The following RAPGEF1 variants were observed in gnomAD, a reference collection of about 807,000 sequenced individuals.
RAPGEF1 encodes CRK SH3-binding GNRP.
In RAPGEF1, 33 loss-of-function variants were observed where a neutral mutation model predicts 143.3. The observed-to-expected ratio is 0.23, with a 90% confidence interval of 0.17 to 0.31. The LOEUF is 0.31. Among genes scored for constraint, RAPGEF1 ranks in the 10% least tolerant of loss-of-function variants. The probability of loss-of-function intolerance (pLI) is 1.00; values close to 1 mark genes in which losing one functional copy is unlikely to be tolerated. For missense variants in RAPGEF1, 1,199 were observed against 1,645.4 expected, an observed-to-expected ratio of 0.73 and a Z score of 4.69; for synonymous variants, 629 against 676.5, an observed-to-expected ratio of 0.93 and a Z score of 1.09.
intron 1 of RAPGEF1, among the ~76,000 whole-genome samples, chr9:131,683,225 G>T (rs1833064364): frequency 6.6e-6 from 1 of 152,216 alleles, no homozygotes; most frequent in South Asian, 2.1e-4. Flanking sequence ...GGTGGCCATT[G>T]TTAAGCCTCC....
rs1361899970 is a variant in RAPGEF1 at position 131,621,096 on chromosome 9, G to A, written c.1905+700C>T. On this transcript the variant is annotated intron_variant, in intron 11 of 26. Transcript: ENST00000683357. The surrounding 1 kb of genome is among the most constrained non-coding windows in gnomAD (Gnocchi z 4.5). ...GCAGCAAAGGGAGAAAGTTTGGAGG[G>A]ATGCCACAGGTACCCCCGATCTGCT... Among the ~76,000 whole-genome samples the A allele has an allele frequency of 6.6e-6, 1 of 152,240 alleles. No individual in the cohort carries two copies. Among genetic ancestry groups the A allele is most frequent in the African/African-American group, 2.4e-5 (1 of 41,462 alleles).
Position 131,614,766 on chromosome 9 carries a change from G to A in RAPGEF1, c.2061+4285C>T, listed in dbSNP as rs981920946. On this transcript the variant is annotated intron_variant, in intron 12 of 26. Transcript: ENST00000683357. ...TTTTGCCCAGAATGGGATGCCAGCT[G>A]CTCTGCAGACCCTTTTAAAAAAATT... Among the ~76,000 whole-genome samples, 4 of 152,106 alleles carry A rather than the reference G, an allele frequency of 2.6e-5. No homozygotes were observed. The South Asian group carries it at 8.3e-4, about 31-fold the overall frequency.
intron 1 of RAPGEF1, among the ~76,000 whole-genome samples, chr9:131,730,238 A>AAAC (rs555330106): frequency 1.3e-5 from 2 of 151,746 alleles, no homozygotes; most frequent in Non-Finnish European, 2.9e-5. Flanking sequence ...ACAAAGCCCA[A>AAAC]AACAACAAAG....
chr9:131,608,590 G>T (rs1429160492), intron 12 of RAPGEF1, among the ~76,000 whole-genome samples: 1 of 152,216 alleles, frequency 6.6e-6, no homozygotes, highest in Non-Finnish European at 1.5e-5. Context: ...TTGGACAAAG[G>T]GGCCTGGCCT....
At chr9:131,594,107 C>G (rs1212027641) in intron 17 of RAPGEF1, among the ~76,000 whole-genome samples, 1 of 152,174 alleles carries the variant, frequency 6.6e-6, no homozygotes, top group African/African-American at 2.4e-5. Flanking sequence ...GCGCCCATGT[C>G]TGCCCAATTC....
At chr9:131,709,303 G>A (rs1835335223) in intron 1 of RAPGEF1, among the ~76,000 whole-genome samples, 1 of 152,180 alleles carries the variant, frequency 6.6e-6, no homozygotes, top group Non-Finnish European at 1.5e-5. Context: ...CTGAGATCAT[G>A]CCACTGCATT....
At chr9:131,581,174 GAA>G (rs71501264) in intron 25 of RAPGEF1, among the ~76,000 whole-genome samples, 2 of 145,610 alleles carry the variant, frequency 1.4e-5, no homozygotes, top group Non-Finnish European at 3.0e-5. Context: ...CTCAAAAAAA[GAA>G]AAAAAAAAAG....
chr9:131,603,823 T>G, intron 14 of RAPGEF1, 138 bp downstream of exon 14: 1 of 416,112 alleles, frequency 2.4e-6, no homozygotes, highest in Non-Finnish European at 4.2e-6. Flanking sequence ...CCCAGCAGCC[T>G]GCAGGAGCCC....
rs377352437 is a variant in RAPGEF1 at position 131,643,409 on chromosome 9, G to C, written c.324C>G (p.Ser108Arg). The C allele has an allele frequency of 2.5e-6, 4 of 1,612,380 alleles. No homozygotes were observed. The highest frequency in any genetic ancestry group is 3.4e-6 in the Non-Finnish European group (4 of 1,179,264). The stretch of plus-strand genomic sequence containing the variant: ...CTTCCTTCTCTTTCTCCTCCAGCCA[G>C]CTCAGGTTCTGAAAGGAGACGTTAG... ...ASRSQRQKNL[S>R]WLEEKEKEVV... The change falls in exon 4 of 27, where the codon AGC (serine) becomes AGG (arginine). Residue 108 changes from serine to arginine, a missense_variant. By Grantham distance (110) the Ser-to-Arg change is moderately radical (BLOSUM62 -1). Coordinates refer to ENST00000683357, the MANE Select transcript of RAPGEF1 (RefSeq NM_001377935.1).
chr9:131,591,991 A>G, intron 18 of RAPGEF1, 108 bp downstream of exon 18: 1 of 814,274 alleles, frequency 1.2e-6, no homozygotes, highest in Non-Finnish European at 2.0e-6. Flanking sequence ...TCACACTGCC[A>G]CCCAATATGC....
chr9:131,698,430 C>G (rs1016875892), intron 1 of RAPGEF1, among the ~76,000 whole-genome samples: 1 of 152,234 alleles, frequency 6.6e-6, no homozygotes, highest in African/African-American at 2.4e-5. Flanking sequence ...TGTAAAATCA[C>G]AATCATACTA....
chr9:131,659,949 G>C (rs113260110), intron 1 of RAPGEF1, among the ~76,000 whole-genome samples: 13,050 of 152,070 alleles, frequency 0.086, 601 homozygotes, highest in Middle Eastern at 0.27. Flanking sequence ...CTCCTGAGTA[G>C]CTGGAACTAC....
chr9:131,593,397 C>A (rs1328799746), intron 17 of RAPGEF1, among the ~76,000 whole-genome samples: 1 of 152,242 alleles, frequency 6.6e-6, no homozygotes, highest in Non-Finnish European at 1.5e-5. Flanking sequence ...CAGACTCACT[C>A]CCTGCAGCCA....
chr9:131,679,657 TG>T (rs1279442326), intron 1 of RAPGEF1, among the ~76,000 whole-genome samples: 2 of 152,230 alleles, frequency 1.3e-5, no homozygotes, highest in Non-Finnish European at 2.9e-5. Context: ...ACAGTTTAGC[TG>T]GGTCCCTGAA....
intron 3 of RAPGEF1, among the ~76,000 whole-genome samples, chr9:131,646,874 T>A (rs886359575): frequency 6.6e-6 from 1 of 152,110 alleles, no homozygotes; most frequent in Admixed American, 6.5e-5. Flanking sequence ...AACACAGACA[T>A]TGGTTACAAT....
In RAPGEF1 at chr9:131,604,024, C is replaced by CTCA; in HGVS notation, c.2346_2348dup (p.Gly782_Glu783insAsp). On this transcript the variant is annotated inframe_insertion, in exon 14 of 27. Coordinates refer to ENST00000683357, the MANE Select transcript of RAPGEF1 (RefSeq NM_001377935.1). Reference sequence around the variant, plus strand: ...AGGAATACAGATTGACATATTCACCCTCACCAGCTTCCTCACTGGCGTTTT... The same window carrying CTCA: ...AGGAATACAGATTGACATATTCACCCTCATCACCAGCTTCCTCACTGGCGTTTT... 2 of 1,339,638 alleles carry CTCA rather than the reference C, an allele frequency of 1.5e-6. No homozygotes were observed. Among genetic ancestry groups the CTCA allele is most frequent in the Non-Finnish European group, 2.0e-6 (2 of 1,006,836 alleles). 83.0% of individuals were successfully genotyped at this position (1,339,638 alleles called of 1,614,324 possible).
chr9:131,585,154 AG>A (rs1268462722), intron 22 of RAPGEF1, among the ~76,000 whole-genome samples: 2 of 152,190 alleles, frequency 1.3e-5, no homozygotes, highest in Non-Finnish European at 2.9e-5. Context: ...GGCCACTACC[AG>A]GGTCACTTGG....
At chr9:131,617,665 C>A (rs911897898) in intron 12 of RAPGEF1, among the ~76,000 whole-genome samples, 2 of 152,178 alleles carry the variant, frequency 1.3e-5, no homozygotes, top group African/African-American at 4.8e-5. Context: ...AGAGCAAGAA[C>A]AGTAATAAGC....
chr9:131,620,706 C>G (rs1960654980), intron 11 of RAPGEF1, among the ~76,000 whole-genome samples: 1 of 152,138 alleles, frequency 6.6e-6, no homozygotes, highest in Admixed American at 6.5e-5. Context: ...AACAAAACAG[C>G]TTGCTTGGTT....
Sources: gnomAD v4.1 joint callset for allele counts (sites outside exome capture counted in the v4.1 genomes callset) on GRCh38, gnomAD v4.1.1 for gene constraint, Gnocchi (gnomAD v3.1) non-coding constraint, MANE v1.5 for transcripts, NCBI Gene and HGNC (gene_info 2026-07-23, HGNC 2026-07-21) for gene names.